Variants in FOXP2 observed in about 807,000 individuals in gnomAD.
The protein encoded by FOXP2 is forkhead box protein P2.
In FOXP2, 12 loss-of-function variants were observed where a neutral mutation model predicts 115.8. The observed-to-expected ratio is 0.10, with a 90% CI of 0.07 to 0.17. The LOEUF (loss-of-function observed/expected upper bound fraction) is 0.17. Ranked by LOEUF, FOXP2 falls within the 10% of genes least tolerant of loss-of-function variation. FOXP2 has a pLI of 1.00. For synonymous variants in FOXP2, 328 were observed against 297.7 expected (o/e 1.10, Z -1.05); for missense variants, 629 against 843.5 (o/e 0.75, Z 3.15).
intron 1 of FOXP2, among the ~76,000 whole-genome samples, chr7:114,111,305 C>G (rs996779933): frequency 3.9e-5 from 6 of 152,074 alleles, no homozygotes; most frequent in Non-Finnish European, 7.4e-5. Flanking sequence ...TTTCAGGAAG[C>G]CTTGTATAGC....
At chr7:114,099,537 A>G (rs1470157836) in intron 1 of FOXP2, among the ~76,000 whole-genome samples, 1 of 152,214 alleles carries the variant, frequency 6.6e-6, no homozygotes, top group Non-Finnish European at 1.5e-5. Flanking sequence ...ACCCAAAGGA[A>G]ATGAGATCAC....
intron 3 of FOXP2, among the ~76,000 whole-genome samples, chr7:114,625,418 T>C (rs1210955484): frequency 6.6e-6 from 1 of 151,794 alleles, no homozygotes; most frequent in Non-Finnish European, 1.5e-5. Flanking sequence ...GTTCCGTTAG[T>C]CTAACACCGA....
intron 2 of FOXP2, among the ~76,000 whole-genome samples, chr7:114,337,507 T>C (rs2129183852): frequency 6.6e-6 from 1 of 151,334 alleles, no homozygotes; most frequent in East Asian, 1.9e-4. Flanking sequence ...TAATATGTAT[T>C]ATAACTAAAT....
At chr7:114,498,424 G>A (rs1358340448) in intron 2 of FOXP2, among the ~76,000 whole-genome samples, 3 of 152,084 alleles carry the variant, frequency 2.0e-5, no homozygotes, top group Non-Finnish European at 2.9e-5. Flanking sequence ...GTTTAGAAAG[G>A]TAATCATCTA....
At chr7:114,628,429 T>C (rs1804711837) in intron 3 of FOXP2, 111 bp from the exon 4 acceptor site, 2 of 1,410,154 alleles carry the variant, frequency 1.4e-6, no homozygotes, top group Non-Finnish European at 2.0e-6. Flanking sequence ...TAAAAATTAT[T>C]GATCATCAAT....
chr7:114,164,484 T>G (rs1401670670), intron 1 of FOXP2, among the ~76,000 whole-genome samples: 2 of 151,928 alleles, frequency 1.3e-5, no homozygotes, highest in Non-Finnish European at 2.9e-5. Flanking sequence ...TAGCTGGGAC[T>G]ACAGATGCAT....
At chr7:114,540,357 CACAGTG>C (rs754306115) in intron 3 of FOXP2, among the ~76,000 whole-genome samples, 90 of 152,096 alleles carry the variant, frequency 5.9e-4, no homozygotes, top group Non-Finnish European at 1.1e-3. Context: ...TAGTGCCTAG[CACAGTG>C]CTTGGTGAAT....
At chr7:114,406,101 AATT>A (rs5886705) in intron 2 of FOXP2, among the ~76,000 whole-genome samples, 77,844 of 151,392 alleles carry the variant, frequency 0.51, 20,481 homozygotes, top group East Asian at 0.63. Context: ...ATATGCAACA[AATT>A]TTAAGATTTT....
intron 2 of FOXP2, among the ~76,000 whole-genome samples, chr7:114,336,341 C>T (rs548670493): frequency 6.6e-6 from 1 of 151,136 alleles, no homozygotes; most frequent in East Asian, 1.9e-4. Flanking sequence ...TTTATCTTAA[C>T]GACATCCCCA....
intron 3 of FOXP2, among the ~76,000 whole-genome samples, chr7:114,606,401 G>C (rs527944209): frequency 6.6e-6 from 1 of 152,296 alleles, no homozygotes; most frequent in South Asian, 2.1e-4. Flanking sequence ...GAATTTTTAA[G>C]AAATTTGCAC....
intron 2 of FOXP2, among the ~76,000 whole-genome samples, chr7:114,375,212 A>G (rs1469345523): frequency 6.6e-6 from 1 of 152,222 alleles, no homozygotes; most frequent in Non-Finnish European, 1.5e-5. Flanking sequence ...AATCCTTACT[A>G]TAAAACAGAT....
At chr7:114,413,559 C>T (rs1008275609), upstream of FOXP2, among the ~76,000 whole-genome samples, 2 of 151,844 alleles carry the variant, frequency 1.3e-5, no homozygotes, top group South Asian at 2.1e-4. Flanking sequence ...GAATATTAAA[C>T]GGTTTTGTAT....
chr7:114,417,180 T>C (rs1785594290), intron 1 of FOXP2, among the ~76,000 whole-genome samples: 1 of 151,970 alleles, frequency 6.6e-6, no homozygotes, highest in South Asian at 2.1e-4. Flanking sequence ...ATAGAGAGAA[T>C]TGGCCCAACT....
rs769296657 is a variant in FOXP2 at position 114,652,240 on chromosome 7, A to G, written c.1132A>G (p.Thr378Ala). Residue 378 changes from threonine (T) to alanine (A), a missense_variant, in exon 9 of 17, where the codon ACT becomes GCT. Physicochemically the swap from Thr to Ala is moderately conservative, Grantham distance 58 (BLOSUM62 0). Around this residue, in one of 9 missense-constraint regions of FOXP2, gnomAD observed 24 missense variants for 76.3 expected, o/e 0.31. Transcript: ENST00000350908. ...NNEHALDDRS[T>A]AQCRVQMQVV... ...TGAACACGCATTGGATGACCGAAGC[A>G]CTGCTCAGTGTCGAGTGCAAATGCA... is the stretch of plus-strand genomic sequence containing the variant. The G allele has an allele frequency of 1.9e-6, 3 of 1,612,938 alleles. No individual in the cohort carries two copies. The highest frequency in any genetic ancestry group is 8.5e-7 in the Non-Finnish European group (1 of 1,179,330).
chr7:114,633,781 G>A (rs1805054159), intron 6 of FOXP2, among the ~76,000 whole-genome samples: 1 of 152,170 alleles, frequency 6.6e-6, no homozygotes, highest in South Asian at 2.1e-4. Flanking sequence ...TGGGGAAAAA[G>A]TAAAGAAATA....
chr7:114,161,827 A>G (rs1792845027), upstream of FOXP2, among the ~76,000 whole-genome samples: 1 of 152,036 alleles, frequency 6.6e-6, no homozygotes, highest in Non-Finnish European at 1.5e-5. Context: ...CCCAGGCTGG[A>G]GTGCAGTAGC....
intron 3 of FOXP2, among the ~76,000 whole-genome samples, chr7:114,585,995 A>G (rs1802111674): frequency 6.6e-6 from 1 of 152,090 alleles, no homozygotes; most frequent in African/African-American, 2.4e-5. Context: ...ATTTTCAGCT[A>G]TGTGTTTGGT....
At chr7:114,510,464 A>G (rs1320360531) in intron 2 of FOXP2, among the ~76,000 whole-genome samples, 23 of 152,188 alleles carry the variant, frequency 1.5e-4, no homozygotes, top group Admixed American at 1.4e-3. Flanking sequence ...AAGAGTGGAG[A>G]TGTAATTCAT....
At chr7:114,480,253 T>G (rs537218817) in intron 2 of FOXP2, among the ~76,000 whole-genome samples, 1 of 151,376 alleles carries the variant, frequency 6.6e-6, no homozygotes, top group Non-Finnish European at 1.5e-5. Context: ...TTTTCTTCTT[T>G]CCCCTGTCCC....
Sources: gnomAD v4.1 joint callset for allele counts (sites outside exome capture counted in the v4.1 genomes callset) on GRCh38, gnomAD v4.1.1 for gene constraint, gnomAD v4.1.1 regional missense constraint, MANE v1.5 for transcripts, NCBI Gene and HGNC (gene_info 2026-07-23, HGNC 2026-07-21) for gene names.